The following FAM114A2 variants were observed in gnomAD, a reference collection of about 807,000 sequenced individuals.
FAM114A2 encodes protein FAM114A2.
Under a neutral mutation model 58.4 loss-of-function variants are expected in FAM114A2, and 53 were observed. That is an observed-to-expected ratio of 0.91 (90% CI 0.73 to 1.14). The LOEUF (loss-of-function observed/expected upper bound fraction) is 1.14. FAM114A2 is among the 50% of genes most tolerant of loss of function. FAM114A2 has a pLI of 0.00. For missense variants in FAM114A2, 601 were observed against 581.1 expected (o/e 1.03, Z -0.35); for synonymous variants, 228 against 211.4 (o/e 1.08, Z -0.68).
chr5:154,014,888 G>C (rs1283068438), intron 8 of FAM114A2, among the ~76,000 whole-genome samples: 1 of 152,210 alleles, frequency 6.6e-6, no homozygotes, highest in Non-Finnish European at 1.5e-5. Context: ...TCACAGCTGG[G>C]AGGTGGGTAG....
chr5:154,003,660 G>A (rs1325514516), intron 9 of FAM114A2, among the ~76,000 whole-genome samples: 54 of 151,930 alleles, frequency 3.6e-4, no homozygotes, highest in Admixed American at 3.5e-3. Context: ...TTCAAACCAT[G>A]TCCCCCTCCT....
chr5:154,017,219 T>TA (rs1347094767), intron 8 of FAM114A2, among the ~76,000 whole-genome samples: 8 of 152,040 alleles, frequency 5.3e-5, no homozygotes, highest in Admixed American at 5.2e-4. Flanking sequence ...GAGGCAGGTG[T>TA]ATCACCTGAG....
intron 6 of FAM114A2, 111 bp downstream of exon 6, chr5:154,028,038 A>C: frequency 1.0e-6 from 1 of 997,494 alleles, no homozygotes; most frequent in Non-Finnish European, 1.5e-6. Flanking sequence ...GCCTGAATAA[A>C]CATTATTGAA....
intron 1 of FAM114A2, among the ~76,000 whole-genome samples, chr5:154,037,715 C>T (rs760916162): frequency 6.6e-5 from 10 of 151,924 alleles, no homozygotes; most frequent in Non-Finnish European, 1.5e-4. Flanking sequence ...GGACATACTC[C>T]AAAATATATT....
At chr5:154,034,566 CA>C (rs200147499) in intron 2 of FAM114A2, among the ~76,000 whole-genome samples, 177 bp downstream of exon 2, 1 of 152,068 alleles carries the variant, frequency 6.6e-6, no homozygotes, top group East Asian at 1.9e-4. Context: ...TACCACATAG[CA>C]AAAGCAATTA....
At chr5:154,036,837 C>G (rs1772594316) in intron 1 of FAM114A2, 1 of 152,044 alleles carries the variant, frequency 6.6e-6, no homozygotes, top group Non-Finnish European at 1.5e-5. Flanking sequence ...TAGATGCCAA[C>G]ATTTAAAAAT....
At chr5:153,998,002 G>C in intron 11 of FAM114A2, 127 bp from the exon 12 acceptor site, 1 of 591,238 alleles carries the variant, frequency 1.7e-6, no homozygotes, top group Non-Finnish European at 3.0e-6. Context: ...CTTTTCAAGG[G>C]AGTAAATACA....
At chr5:154,019,120 C>T (rs1771233527) in intron 8 of FAM114A2, among the ~76,000 whole-genome samples, 1 of 152,158 alleles carries the variant, frequency 6.6e-6, no homozygotes, top group Non-Finnish European at 1.5e-5. Flanking sequence ...AACTAACTGT[C>T]ACTGTTTGCT....
chr5:153,994,582 C>A, intron 13 of FAM114A2: 1 of 182,008 alleles, frequency 5.5e-6, no homozygotes, highest in African/African-American at 2.3e-5. Flanking sequence ...AATTAGGAAG[C>A]AGTGCTTACC....
At chr5:154,000,768 A>G (rs142338088) in intron 11 of FAM114A2, among the ~76,000 whole-genome samples, 1 of 152,342 alleles carries the variant, frequency 6.6e-6, no homozygotes, top group Non-Finnish European at 1.5e-5. Flanking sequence ...AGAAAGCAGT[A>G]TATGTTCCAG....
At chr5:154,005,212 G>A (rs1262322246) in intron 9 of FAM114A2, among the ~76,000 whole-genome samples, 1 of 152,162 alleles carries the variant, frequency 6.6e-6, no homozygotes, top group African/African-American at 2.4e-5. Context: ...GATATGACCA[G>A]CACCCATATC....
chr5:153,996,548 A>C (rs993763489), intron 12 of FAM114A2, among the ~76,000 whole-genome samples: 1 of 147,964 alleles, frequency 6.8e-6, no homozygotes, highest in Admixed American at 6.9e-5. Flanking sequence ...AAATCTGATA[A>C]GAAACTTGTA....
intron 9 of FAM114A2, among the ~76,000 whole-genome samples, chr5:154,008,559 T>C (rs1193356684): frequency 6.6e-6 from 1 of 152,176 alleles, no homozygotes; most frequent in African/African-American, 2.4e-5. Context: ...GCACAAATTT[T>C]TTTAAAATAT....
chr5:154,004,032 G>A (rs1036176635), intron 9 of FAM114A2, among the ~76,000 whole-genome samples: 1 of 152,156 alleles, frequency 6.6e-6, no homozygotes, highest in African/African-American at 2.4e-5. Flanking sequence ...TTGTACAGGA[G>A]CAATAGGTTA....
In FAM114A2 at chr5:154,028,234, T is replaced by C; in HGVS notation, c.545A>G (p.Lys182Arg). 6.2e-7 allele frequency: 1 copy of C among 1,611,382 alleles called. No individual in the cohort carries two copies. Among genetic ancestry groups the C allele is most frequent in the African/African-American group, 1.3e-5 (1 of 74,984 alleles). Residue 182 changes from lysine to arginine, a missense_variant, in exon 6 of 14, where the codon AAA becomes AGA. By Grantham distance (26) the Lys-to-Arg change is conservative. Transcript: ENST00000351797. ...GGLDALEFIGKKTMDVIAEGD... is the reference protein window; with the variant it reads ...GGLDALEFIGRKTMDVIAEGD... ...TTCTGCTATCACATCCATTGTCTTTTTTCCAATGAATTCTAAGGCATCCAA... is the reference window on the plus strand; with the variant it reads ...TTCTGCTATCACATCCATTGTCTTTCTTCCAATGAATTCTAAGGCATCCAA...
At chr5:154,024,801 G>A (rs2113433512) in intron 8 of FAM114A2, among the ~76,000 whole-genome samples, 1 of 152,186 alleles carries the variant, frequency 6.6e-6, no homozygotes, top group Admixed American at 6.5e-5. Context: ...TCTGAGTTAT[G>A]CAGACTTTCC....
chr5:154,030,515 A>T (rs1186238604), intron 4 of FAM114A2, among the ~76,000 whole-genome samples: 5 of 152,222 alleles, frequency 3.3e-5, no homozygotes, highest in Admixed American at 3.3e-4. Context: ...CAAGAAGAAC[A>T]ACAAAGTAAA....
chr5:153,996,787 G>C (rs961879249), intron 12 of FAM114A2, among the ~76,000 whole-genome samples: 1 of 151,674 alleles, frequency 6.6e-6, no homozygotes, highest in East Asian at 1.9e-4. Context: ...ACCTAAGGTC[G>C]GGAGTTCGAG....
At chr5:154,030,276 T>C (rs1276933625) in intron 4 of FAM114A2, among the ~76,000 whole-genome samples, 1 of 152,126 alleles carries the variant, frequency 6.6e-6, no homozygotes, top group Non-Finnish European at 1.5e-5. Context: ...GATAGGTATG[T>C]TTCAAAACAA....
Sources: gnomAD v4.1 joint callset for allele counts (sites outside exome capture counted in the v4.1 genomes callset) on GRCh38, gnomAD v4.1.1 for gene constraint, MANE v1.5 for transcripts, NCBI Gene and HGNC (gene_info 2026-07-23, HGNC 2026-07-21) for gene names.